Variants in CCDC181 observed in about 807,000 individuals in gnomAD.
CCDC181 encodes coiled-coil domain-containing protein 181.
In CCDC181, 35 loss-of-function variants were observed where a neutral mutation model predicts 58.7. That is an observed-to-expected ratio of 0.60 (90% confidence interval 0.46 to 0.79). CCDC181 has a LOEUF of 0.79. Among genes scored for constraint, CCDC181 ranks in the 30% least tolerant of loss-of-function variants. The probability of loss-of-function intolerance (pLI) is 0.00; values close to 1 mark genes in which losing one functional copy is unlikely to be tolerated. For synonymous variants in CCDC181, 183 were observed against 197.5 expected (o/e 0.93, Z 0.62); for missense variants, 517 against 583.9 (o/e 0.89, Z 1.18).
At chr1:169,433,364 G>C (rs1472445130) in intron 2 of CCDC181, among the ~76,000 whole-genome samples, 2 of 151,906 alleles carry the variant, frequency 1.3e-5, no homozygotes, top group Non-Finnish European at 2.9e-5. Context: ...TAAGATGTCA[G>C]TATTACCCAA....
chr1:169,403,021 GA>G (rs199798603), intron 4 of CCDC181, among the ~76,000 whole-genome samples: 1 of 80,810 alleles, frequency 1.2e-5, no homozygotes, highest in Non-Finnish European at 2.6e-5. Flanking sequence ...CCTAGTCTCT[GA>G]AAAAACCAGA....
intron 5 of CCDC181, 42 bp downstream of exon 5, chr1:169,397,195 A>C: frequency 6.7e-7 from 1 of 1,484,062 alleles, no homozygotes; most frequent in Non-Finnish European, 9.0e-7. Context: ...TAAAATGAAC[A>C]TGAGGAAGGA....
At chr1:169,448,822 C>T (rs780030534) in intron 2 of CCDC181, among the ~76,000 whole-genome samples, 4 of 152,054 alleles carry the variant, frequency 2.6e-5, no homozygotes, top group Non-Finnish European at 5.9e-5. Flanking sequence ...TGAAATTGTT[C>T]CACAGTTCTT....
intron 4 of CCDC181, among the ~76,000 whole-genome samples, chr1:169,402,993 A>T (rs1655440483): frequency 1.4e-5 from 2 of 146,832 alleles, no homozygotes; most frequent in Non-Finnish European, 3.0e-5. Context: ...AAAAAAAAAA[A>T]AAAGCAGGGG....
At chr1:169,439,034 G>T (rs1657133333) in intron 2 of CCDC181, among the ~76,000 whole-genome samples, 1 of 152,134 alleles carries the variant, frequency 6.6e-6, no homozygotes, top group South Asian at 2.1e-4. Flanking sequence ...CTACTAGTTA[G>T]GGAGAGCCAA....
At chr1:169,401,986 G>T (rs1215142029) in intron 4 of CCDC181, among the ~76,000 whole-genome samples, 1 of 152,130 alleles carries the variant, frequency 6.6e-6, no homozygotes, top group East Asian at 1.9e-4. Context: ...TGAAAACCAT[G>T]GCACAAGAAC....
intron 4 of CCDC181, among the ~76,000 whole-genome samples, chr1:169,406,033 T>G (rs541392066): frequency 1.3e-5 from 2 of 152,250 alleles, no homozygotes; most frequent in Non-Finnish European, 2.9e-5. Context: ...GCAGCCAACA[T>G]ACACATGAAA....
At chr1:169,402,602 A>G (rs980964915) in intron 4 of CCDC181, among the ~76,000 whole-genome samples, 6 of 152,164 alleles carry the variant, frequency 3.9e-5, no homozygotes, top group Admixed American at 3.9e-4. Context: ...AGACAAGCAA[A>G]TGCTGAGAGA....
intron 5 of CCDC181, 64 bp from the exon 6 acceptor site, chr1:169,395,270 A>T: frequency 3.6e-6 from 5 of 1,388,974 alleles, no homozygotes; most frequent in Non-Finnish European, 4.8e-6. Flanking sequence ...CATGCTATAA[A>T]GTTACTATTA....
At chr1:169,409,685 A>C (rs770770303) in intron 4 of CCDC181, among the ~76,000 whole-genome samples, 1 of 152,208 alleles carries the variant, frequency 6.6e-6, no homozygotes, top group Non-Finnish European at 1.5e-5. Flanking sequence ...GACTAAGAGC[A>C]GATCTCTCTG....
chr1:169,413,981 C>A (rs1656102014), intron 4 of CCDC181, among the ~76,000 whole-genome samples: 1 of 151,682 alleles, frequency 6.6e-6, no homozygotes. Flanking sequence ...AACAAACCTG[C>A]ACTTTCTGCA....
chr1:169,447,596 C>T (rs1657411767), intron 2 of CCDC181, among the ~76,000 whole-genome samples: 1 of 152,162 alleles, frequency 6.6e-6, no homozygotes, highest in South Asian at 2.1e-4. Flanking sequence ...GACTTTCTGC[C>T]TGTTTGACTT....
intron 1 of CCDC181, among the ~76,000 whole-genome samples, chr1:169,426,141 TAAAAAC>T (rs1656700625): frequency 6.6e-6 from 1 of 152,102 alleles, no homozygotes; most frequent in Non-Finnish European, 1.5e-5. Context: ...TGTTGTAACT[TAAAAAC>T]AAAAAAACAC....
At chr1:169,458,197 T>G (rs1222570549) in intron 2 of CCDC181, among the ~76,000 whole-genome samples, 57 of 151,138 alleles carry the variant, frequency 3.8e-4, no homozygotes, top group South Asian at 1.0e-3. Flanking sequence ...TTGTTTTGTT[T>G]TTTTTGCCAT....
rs985944608 is a variant in CCDC181 at position 169,457,280 on chromosome 1, C to T, written c.-24+2517G>A. Among the ~76,000 whole-genome samples the T allele has an allele frequency of 5.3e-5, 8 of 152,000 alleles. No homozygotes were observed. The South Asian group carries it at 8.3e-4, about 16-fold the overall frequency. On this transcript the variant is annotated intron_variant, in intron 2 of 6. Coordinates refer to the CCDC181 transcript ENST00000545005. ...CCTGTATCTGTGGATTCATGTTTTT[C>T]GTCAGTTTTGCTAAATTCTCATTCT... is the stretch of plus-strand genomic sequence containing the variant.
intron 4 of CCDC181, among the ~76,000 whole-genome samples, chr1:169,406,072 A>G (rs917271813): frequency 6.6e-6 from 1 of 152,248 alleles, no homozygotes; most frequent in Non-Finnish European, 1.5e-5. Flanking sequence ...GCCATCAGAG[A>G]AATGCAAATC....
intron 2 of CCDC181, among the ~76,000 whole-genome samples, chr1:169,422,734 A>C (rs1656537606): frequency 6.6e-6 from 1 of 152,058 alleles, no homozygotes; most frequent in Non-Finnish European, 1.5e-5. Flanking sequence ...GACCATTTCA[A>C]GGATGAATTA....
chr1:169,455,917 A>C (rs1032873400), intron 2 of CCDC181, among the ~76,000 whole-genome samples: 1 of 152,154 alleles, frequency 6.6e-6, no homozygotes, highest in African/African-American at 2.4e-5. Context: ...ATAGGTAATA[A>C]AAATATTTAT....
At chr1:169,436,595 T>A (rs557298442) in intron 2 of CCDC181, among the ~76,000 whole-genome samples, 89 of 152,308 alleles carry the variant, frequency 5.8e-4, no homozygotes, top group Non-Finnish European at 1.1e-3. Context: ...AAAGAAAATT[T>A]TTTTGTCTCT....
Sources: gnomAD v4.1 joint callset for allele counts (sites outside exome capture counted in the v4.1 genomes callset) on GRCh38, gnomAD v4.1.1 for gene constraint, MANE v1.5 for transcripts, NCBI Gene and HGNC (gene_info 2026-07-23, HGNC 2026-07-21) for gene names.